Variants in ABCG2 observed in about 807,000 individuals in gnomAD.
ABCG2 encodes broad substrate specificity ATP-binding cassette transporter ABCG2.
A neutral mutation model predicts 73.5 loss-of-function variants in ABCG2; 80 were observed. That is an observed-to-expected ratio of 1.09 (90% CI 0.91 to 1.31). The LOEUF (loss-of-function observed/expected upper bound fraction) is 1.31, where lower values mean the gene tolerates loss of function less well. ABCG2 is among the 50% of genes most tolerant of loss of function. The pLI is 0.00. For synonymous variants in ABCG2, 269 were observed against 282.4 expected (o/e 0.95, Z 0.48); for missense variants, 796 against 786.2 (o/e 1.01, Z -0.15).
intron 1 of ABCG2, among the ~76,000 whole-genome samples, chr4:88,194,124 G>A (rs1417309237): frequency 6.6e-6 from 1 of 152,196 alleles, no homozygotes; most frequent in South Asian, 2.1e-4. Flanking sequence ...CATAGAAACA[G>A]AGTGCTCTTT....
chr4:88,138,107 C>T (rs189959444), intron 2 of ABCG2, among the ~76,000 whole-genome samples: 1 of 152,094 alleles, frequency 6.6e-6, no homozygotes, highest in East Asian at 1.9e-4. Flanking sequence ...GATTGCAGCA[C>T]CACACTCCAG....
In ABCG2 at chr4:88,113,484, T is replaced by G. The variant is rs375614665; in HGVS notation, c.1013A>C (p.Asn338Thr). Reference sequence around the variant, plus strand: ...TTTTGTCTCTTTGTAGAAGGAGGAGTTGACATAAATCTCCGCTAATTTTTC... The same window carrying G: ...TTTTGTCTCTTTGTAGAAGGAGGAGGTGACATAAATCTCCGCTAATTTTTC... The part of the protein sequence containing the change: ...LIEKLAEIYV[N>T]SSFYKETKAE... The change falls in exon 9 of 16, where the codon AAC (asparagine) becomes ACC (threonine). Residue 338 changes from asparagine (N) to threonine (T), a missense_variant. By Grantham distance (65) the Asn-to-Thr change is moderately conservative. Transcript: ENST00000237612. The G allele has an allele frequency of 6.2e-7, 1 of 1,613,994 alleles. No individual in the cohort carries two copies. The highest frequency in any genetic ancestry group is 1.1e-5 in the South Asian group (1 of 91,056).
chr4:88,145,245 G>A (rs918944729), intron 1 of ABCG2, among the ~76,000 whole-genome samples: 4 of 152,214 alleles, frequency 2.6e-5, no homozygotes, highest in Admixed American at 6.5e-5. Flanking sequence ...ACTGTCAGGC[G>A]ATTGCTACAA....
In ABCG2 at chr4:88,092,159, A is replaced by G; in HGVS notation, c.*75T>C. ...TGGCAAGGGAACAGAAAACAACAAA[A>G]AAACTTGATTGAATACTTCAATCAA... On this transcript the variant is annotated 3_prime_UTR_variant, in exon 16 of 16. Transcript: ENST00000237612. 2 of 1,401,034 alleles carry G rather than the reference A, an allele frequency of 1.4e-6. No individual in the cohort carries two copies. The highest frequency in any genetic ancestry group is 1.9e-6 in the Non-Finnish European group (2 of 1,032,444). The allele number at this position is 1,401,034 out of a possible 1,614,324, so 86.8% of individuals were successfully genotyped here.
Position 88,107,251 on chromosome 4 carries a change from C to A in ABCG2, c.1210G>T (p.Val404Leu). Residue 404 changes from valine to leucine, a missense_variant, in exon 10 of 16, where the codon GTA (valine) becomes TTA (leucine). By Grantham distance (32) the Val-to-Leu change is conservative. Coordinates refer to ENST00000237612, the MANE Select transcript of ABCG2 (RefSeq NM_004827.3). ...ASIAQIIVTV[V>L]LGLVIGAIYF... is the part of the protein sequence containing the mutation. ...ATGGCACCTATAACCAGTCCCAGTA[C>A]GACTGTGACAATGATCTTTTCAAAA... The A allele has an allele frequency of 6.2e-7, 1 of 1,605,628 alleles. No individual in the cohort carries two copies. Among genetic ancestry groups the A allele is most frequent in the Admixed American group, 1.7e-5 (1 of 58,270 alleles).
rs1419885687 is a variant in ABCG2 at position 88,099,356 on chromosome 4, A to C, written c.1460T>G (p.Ile487Ser). ...GAAGTACACTATACAGGTAAATATAATACTTGGTAACATCCTCATGGGTAA... is the reference window on the plus strand; with the variant it reads ...GAAGTACACTATACAGGTAAATATACTACTTGGTAACATCCTCATGGGTAA... ...DLLPMRMLPS[I>S]IFTCIVYFML... is the part of the protein sequence containing the mutation. Residue 487 changes from isoleucine (I) to serine (S), a missense_variant, in exon 12 of 16, where the codon ATT becomes AGT. Transcript: ENST00000237612. 1 of 1,611,478 alleles carries C rather than the reference A, an allele frequency of 6.2e-7. No homozygotes were observed. Among genetic ancestry groups the C allele is most frequent in the Non-Finnish European group, 8.5e-7 (1 of 1,178,812 alleles).
intron 2 of ABCG2, among the ~76,000 whole-genome samples, chr4:88,136,743 C>T (rs568020609): frequency 2.0e-5 from 3 of 151,014 alleles, no homozygotes; most frequent in South Asian, 2.1e-4. Context: ...AGGCTGGGCA[C>T]GGTGGCTTAT....
intron 1 of ABCG2, among the ~76,000 whole-genome samples, chr4:88,142,304 A>T (rs568199729): frequency 6.6e-6 from 1 of 151,966 alleles, no homozygotes; most frequent in East Asian, 1.9e-4. Flanking sequence ...GATTGAAGAA[A>T]CTCTAGGAAC....
At chr4:88,185,538 A>G (rs1728418528) in intron 1 of ABCG2, among the ~76,000 whole-genome samples, 1 of 152,214 alleles carries the variant, frequency 6.6e-6, no homozygotes, top group East Asian at 1.9e-4. Context: ...AGCTAAGAAA[A>G]TAATCAACAA....
At chr4:88,220,291 T>A (rs1578288855) in intron 1 of ABCG2, among the ~76,000 whole-genome samples, 3 of 152,346 alleles carry the variant, frequency 2.0e-5, no homozygotes, top group Non-Finnish European at 4.4e-5. Context: ...AACATCTGTC[T>A]GAGCCTCTGC....
intron 1 of ABCG2, among the ~76,000 whole-genome samples, chr4:88,205,025 G>T (rs2110117792): frequency 6.6e-6 from 1 of 152,338 alleles, no homozygotes; most frequent in Middle Eastern, 3.4e-3. Flanking sequence ...TGTCTTGAGA[G>T]TACTGCCAAT....
chr4:88,218,904 A>G (rs1332979328), intron 1 of ABCG2, among the ~76,000 whole-genome samples: 13 of 152,204 alleles, frequency 8.5e-5, no homozygotes, highest in Admixed American at 6.5e-5. Flanking sequence ...TGGGCCATGC[A>G]GTCTTTTTCC....
Position 88,101,324 on chromosome 4 carries a change from C to T in ABCG2, c.1278-5G>A, listed in dbSNP as rs1180788441. 1.2e-6 allele frequency: 2 copies of T among 1,613,890 alleles called. No individual in the cohort carries two copies. The highest frequency in any genetic ancestry group is 1.3e-5 in the African/African-American group (1 of 75,048). On this transcript the variant is annotated splice_polypyrimidine_tract_variant and splice_region_variant and intron_variant, in intron 10 of 15. Transcript: ENST00000237612. ...AGGAAGAAGAGAACCCCAGCTCTGCCATGAAAAGGGGAACCAAATCACCGC... is the reference window on the plus strand; with the variant it reads ...AGGAAGAAGAGAACCCCAGCTCTGCTATGAAAAGGGGAACCAAATCACCGC...
At chr4:88,141,792 T>C (rs927372098) in intron 1 of ABCG2, among the ~76,000 whole-genome samples, 1 of 152,148 alleles carries the variant, frequency 6.6e-6, no homozygotes, top group Non-Finnish European at 1.5e-5. Context: ...CAGAACCTGA[T>C]GTTCCGGAAA....
At chr4:88,101,177 C>T (rs1365047156) in intron 11 of ABCG2, 53 bp downstream of exon 11, 14 of 1,522,570 alleles carry the variant, frequency 9.2e-6, no homozygotes, top group Non-Finnish European at 1.1e-5. Flanking sequence ...ATCAGTCTAA[C>T]CAATAGCCCC....
intron 12 of ABCG2, among the ~76,000 whole-genome samples, chr4:88,098,451 T>A (rs1028979015): frequency 1.3e-4 from 19 of 151,834 alleles, no homozygotes; most frequent in African/African-American, 3.9e-4. Context: ...ATTTTTTTTT[T>A]AATTAACAAG....
intron 1 of ABCG2, among the ~76,000 whole-genome samples, chr4:88,173,569 T>C (rs1727843852): frequency 6.6e-6 from 1 of 152,214 alleles, no homozygotes; most frequent in Non-Finnish European, 1.5e-5. Flanking sequence ...ATGGATTCTA[T>C]TTTTCAAGCA....
chr4:88,147,609 T>C (rs2725244), intron 1 of ABCG2, among the ~76,000 whole-genome samples: 73,360 of 152,092 alleles, frequency 0.48, 18,369 homozygotes, highest in East Asian at 0.67. Flanking sequence ...TTCTTCAGAC[T>C]CTGTTCTCAA....
chr4:88,205,256 T>A (rs1560456985), intron 1 of ABCG2, among the ~76,000 whole-genome samples: 2 of 152,222 alleles, frequency 1.3e-5, no homozygotes, highest in South Asian at 4.1e-4. Context: ...CATTGAAAAG[T>A]CTTCCAAACA....
Sources: allele counts gnomAD v4.1 joint callset (sites outside exome capture counted in the v4.1 genomes callset), GRCh38; gene constraint gnomAD v4.1.1; transcripts MANE v1.5; gene names NCBI Gene and HGNC (gene_info 2026-07-23, HGNC 2026-07-21).